Variants in CMAS observed in about 807,000 individuals in gnomAD.
The protein encoded by CMAS is N-acylneuraminate cytidylyltransferase.
In CMAS, 21 loss-of-function variants were observed where a neutral mutation model predicts 53.4. The ratio of observed to expected loss-of-function variants is 0.39; its 90% confidence interval spans 0.28 to 0.57. The LOEUF is 0.57. Ranked by LOEUF, CMAS falls within the 20% of genes least tolerant of loss-of-function variation. CMAS has a pLI of 0.56. For synonymous variants in CMAS, 189 were observed against 195.2 expected (o/e 0.97, Z 0.27); for missense variants, 384 against 534.9 (o/e 0.72, Z 2.78).
intron 4 of CMAS, among the ~76,000 whole-genome samples, chr12:22,059,032 T>C (rs1353504347): frequency 2.0e-5 from 3 of 151,850 alleles, no homozygotes. Flanking sequence ...ATATTGTGGC[T>C]GTAGGGTTGA....
chr12:22,055,280 A>G lies in CMAS; in HGVS notation c.392A>G (p.Asn131Ser), dbSNP rs771403320. ...TSLDAIIEFL[N>S]YHNEVDIVGN... Reference sequence around the variant, plus strand: ...CTAGATGCCATCATAGAATTTCTTAATTATCATAATGGTATGAATTTGATT... The same window carrying G: ...CTAGATGCCATCATAGAATTTCTTAGTTATCATAATGGTATGAATTTGATT... The change falls in exon 2 of 8, where the codon AAT (asparagine) becomes AGT (serine). Residue 131 changes from asparagine (N) to serine (S), a missense_variant. Asn to Ser is a conservative substitution (Grantham distance 46, BLOSUM62 1). Transcript: ENST00000229329. 4 of 1,602,946 alleles carry G rather than the reference A, an allele frequency of 2.5e-6. No homozygotes were observed. In the East Asian group the frequency reaches 6.7e-5, roughly 27 times the overall value.
intron 1 of CMAS, among the ~76,000 whole-genome samples, chr12:22,049,316 A>G (rs1950225507): frequency 6.6e-6 from 1 of 152,208 alleles, no homozygotes; most frequent in Non-Finnish European, 1.5e-5. Context: ...ACAATTACCA[A>G]AAGTGAGGGG....
intron 4 of CMAS, among the ~76,000 whole-genome samples, chr12:22,059,148 ATTT>A (rs10615874): frequency 0.02 from 2,836 of 139,792 alleles, 87 homozygotes; most frequent in African/African-American, 0.07. Context: ...ATATATATAT[ATTT>A]TTTTTTTTTT....
intron 3 of CMAS, among the ~76,000 whole-genome samples, chr12:22,056,368 A>G (rs11046278): frequency 0.012 from 1,901 of 152,232 alleles, 41 homozygotes; most frequent in African/African-American, 0.043. Context: ...TTAATTGTAT[A>G]TCTGGCATAG....
At position 22,058,680 on chromosome 12, in the gene CMAS, A is replaced by T. The variant is rs777669188; in HGVS notation, c.673A>T (p.Ile225Leu). 8 of 1,613,642 alleles carry T rather than the reference A, an allele frequency of 5.0e-6. No homozygotes were observed. Among genetic ancestry groups the T allele is most frequent in the Non-Finnish European group, 6.8e-6 (8 of 1,179,762 alleles). Reference protein sequence around the residue: ...GSFYFAKRHLIEMGYLQGGKM... With the variant: ...GSFYFAKRHLLEMGYLQGGKM... ...ATTTTATTTTGCTAAAAGACATTTG[A>T]TAGAGATGGGTTACTTGCAGGTTTG... Residue 225 changes from isoleucine to leucine, a missense_variant, in exon 4 of 8, where the codon ATA becomes TTA. Transcript: ENST00000229329.
intron 2 of CMAS, 54 bp from the exon 3 acceptor site, chr12:22,055,401 C>G: frequency 6.6e-7 from 1 of 1,508,144 alleles, no homozygotes; most frequent in East Asian, 2.3e-5. Context: ...ATATTACTTG[C>G]TTGCAAGGAA....
chr12:22,053,656 G>T (rs1184112858), intron 1 of CMAS, among the ~76,000 whole-genome samples: 1 of 150,666 alleles, frequency 6.6e-6, no homozygotes, highest in Non-Finnish European at 1.5e-5. Context: ...GAGACGGGCG[G>T]ATCACGAGGT....
intron 1 of CMAS, among the ~76,000 whole-genome samples, chr12:22,051,998 A>G (rs1365594302): frequency 1.3e-5 from 2 of 152,196 alleles, no homozygotes; most frequent in East Asian, 1.9e-4. Context: ...GATTTTTCCC[A>G]TGGTCATATA....
rs58755366 is a variant in CMAS at position 22,060,333 on chromosome 12, T to TAAAAAAA, written c.694-478_694-472dup. Among the ~76,000 whole-genome samples the TAAAAAAA allele has an allele frequency of 1.1e-3, 59 of 54,140 alleles. 6 individuals carry two copies. The highest frequency in any genetic ancestry group is 3.3e-3 in the South Asian group (3 of 900). 35.5% of individuals were successfully genotyped at this position (54,140 alleles called of 152,430 possible). On this transcript the variant is annotated intron_variant, in intron 4 of 7. Coordinates refer to ENST00000229329, the MANE Select transcript of CMAS (RefSeq NM_018686.6). ...ATTTCTTTTGTGTGAGCTTTCTCCT[T>TAAAAAAA]AAAAAAAAAAAAAAAAAAAAAAAAA...
chr12:22,050,854 C>G (rs886743481), intron 1 of CMAS, among the ~76,000 whole-genome samples: 3 of 151,988 alleles, frequency 2.0e-5, no homozygotes, highest in African/African-American at 7.3e-5. Context: ...AGCAAGTACC[C>G]TCTTATTCAT....
At chr12:22,052,377 A>C (rs182662445) in intron 1 of CMAS, among the ~76,000 whole-genome samples, 1,541 of 147,694 alleles carry the variant, frequency 0.01, 26 homozygotes, top group African/African-American at 0.035. Context: ...GAATGAACGA[A>C]AGAAGGAAGG....
At position 22,046,248 on chromosome 12, in the gene CMAS, T is replaced by A. The variant is rs1309683852; in HGVS notation, c.-56T>A. 1 of 1,377,060 alleles carries A rather than the reference T, an allele frequency of 7.3e-7. No homozygotes were observed. Among genetic ancestry groups the A allele is most frequent in the African/African-American group, 1.6e-5 (1 of 63,734 alleles). The allele number at this position is 1,377,060 out of a possible 1,614,324, so 85.3% of individuals were successfully genotyped here. A position where few individuals can be genotyped will look rare whatever the true frequency, so the allele number is the denominator to read the frequency against. On this transcript the variant is annotated 5_prime_UTR_variant, in exon 1 of 8. Transcript: ENST00000229329. Reference sequence around the variant, plus strand: ...GGGATCGGGCGGCGCCGAGCTGAGGTGGTGAGGGACTAGCTCCCGGATGTG... The same window carrying A: ...GGGATCGGGCGGCGCCGAGCTGAGGAGGTGAGGGACTAGCTCCCGGATGTG...
intron 6 of CMAS, 94 bp from the exon 7 acceptor site, chr12:22,062,187 T>C (rs1565532046): frequency 1.8e-6 from 2 of 1,111,650 alleles, no homozygotes; most frequent in East Asian, 2.7e-5. Context: ...TGATTTGGAC[T>C]GTCTACAAGG....
At chr12:22,061,226 G>GA in intron 5 of CMAS, 55 bp from the exon 6 acceptor site, 1 of 1,195,484 alleles carries the variant, frequency 8.4e-7, no homozygotes. Context: ...AGCCAGATGA[G>GA]AGGGAGTGAT....
chr12:22,061,407 A>G lies in CMAS; in HGVS notation c.915A>G (p.Val305=). Residue 305 remains valine (V), a synonymous_variant, in exon 6 of 8, where the codon GTA becomes GTG. Transcript: ENST00000229329. ...AAAAAGAAATAATATCTTATGATGT[A>G]AAAGATGCTATTGGGATAAGTTTAT... is the stretch of plus-strand genomic sequence containing the variant. The part of the protein sequence containing the change: ...GDQKEIISYD[V]KDAIGISLLK... The G allele has an allele frequency of 4.4e-6, 7 of 1,605,828 alleles. No individual in the cohort carries two copies. The highest frequency in any genetic ancestry group is 6.0e-6 in the Non-Finnish European group (7 of 1,173,716).
At chr12:22,057,243 A>G (rs1950274442) in intron 3 of CMAS, among the ~76,000 whole-genome samples, 1 of 67,294 alleles carries the variant, frequency 1.5e-5, no homozygotes, top group Admixed American at 1.4e-4. Context: ...ACACACATAC[A>G]CACACACACA....
intron 4 of CMAS, among the ~76,000 whole-genome samples, chr12:22,059,570 G>A (rs965761139): frequency 1.3e-5 from 2 of 152,140 alleles, no homozygotes; most frequent in African/African-American, 4.8e-5. Flanking sequence ...AAGAGAGAGA[G>A]AGAAACCTCT....
chr12:22,055,459 T>A lies in CMAS; in HGVS notation c.408T>A (p.Val136=), dbSNP rs754740419. ...IIEFLNYHNE[V]DIVGNIQATS... is the part of the protein sequence containing the mutation. Reference sequence around the variant, plus strand: ...CATTTCTCTTGTCTTTTTAAGAGGTTGACATTGTAGGAAATATTCAAGCTA... The same window carrying A: ...CATTTCTCTTGTCTTTTTAAGAGGTAGACATTGTAGGAAATATTCAAGCTA... The change falls in exon 3 of 8, where the codon GTT becomes GTA. Residue 136 remains valine (V), a synonymous_variant. Transcript: ENST00000229329. 4.4e-6 allele frequency: 7 copies of A among 1,586,026 alleles called. No individual in the cohort carries two copies. The highest frequency in any genetic ancestry group is 3.4e-6 in the Non-Finnish European group (4 of 1,171,712).
At chr12:22,054,214 T>C (rs1225305038) in intron 1 of CMAS, among the ~76,000 whole-genome samples, 1 of 152,012 alleles carries the variant, frequency 6.6e-6, no homozygotes, top group Non-Finnish European at 1.5e-5. Context: ...GGTGTGAGAC[T>C]CCAGGCCTGA....
Sources: allele counts gnomAD v4.1 joint callset (sites outside exome capture counted in the v4.1 genomes callset), GRCh38; gene constraint gnomAD v4.1.1; transcripts MANE v1.5; gene names NCBI Gene and HGNC (gene_info 2026-07-23, HGNC 2026-07-21).